The following NOL11 variants were observed in gnomAD, a reference collection of about 807,000 sequenced individuals.
The protein encoded by NOL11 is nucleolar protein 11.
A neutral mutation model predicts 93.0 loss-of-function variants in NOL11; 42 were observed. The ratio of observed to expected loss-of-function variants is 0.45; its 90% CI spans 0.35 to 0.58. The LOEUF (loss-of-function observed/expected upper bound fraction) is 0.58. NOL11 is among the 20% of genes least tolerant of loss of function. NOL11 has a pLI of 0.00. For missense variants in NOL11, 775 were observed against 841.8 expected, an observed-to-expected ratio of 0.92 and a Z score of 0.98; for synonymous variants, 296 against 293.7, an observed-to-expected ratio of 1.01 and a Z score of -0.08.
In NOL11 at chr17:67,743,950, C is replaced by T. The variant is rs138440965; in HGVS notation, c.*91C>T. The T allele has an allele frequency of 5.9e-6, 4 of 676,520 alleles. No homozygotes were observed. The East Asian group carries it at 1.1e-4, about 19-fold the overall frequency. The allele number at this position is 676,520 out of a possible 1,614,324, so 41.9% of individuals were successfully genotyped here. A position where few individuals can be genotyped will look rare whatever the true frequency, so the allele number is the denominator to read the frequency against. ...GCAAGAACGGTGTTTTGTTTGCGACCATCTCAGTGTCAAGAGAAACGTGTC... is the reference window on the plus strand; with the variant it reads ...GCAAGAACGGTGTTTTGTTTGCGACTATCTCAGTGTCAAGAGAAACGTGTC... On this transcript the variant is annotated 3_prime_UTR_variant, in exon 18 of 18. Coordinates refer to ENST00000253247, the MANE Select transcript of NOL11 (RefSeq NM_015462.5).
chr17:67,743,921 C>A lies in NOL11; in HGVS notation c.*62C>A. On this transcript the variant is annotated 3_prime_UTR_variant, in exon 18 of 18. Transcript: ENST00000253247. ...TCTTTTATGTGAACTCTTGCTTCAT[C>A]CAGGCAAGAACGGTGTTTTGTTTGC... The A allele has an allele frequency of 1.2e-6, 1 of 850,668 alleles. No individual in the cohort carries two copies. Among genetic ancestry groups the A allele is most frequent in the Non-Finnish European group, 1.9e-6 (1 of 536,918 alleles). 52.7% of individuals were successfully genotyped at this position (850,668 alleles called of 1,614,324 possible). A position where few individuals can be genotyped will look rare whatever the true frequency, so the allele number is the denominator to read the frequency against.
chr17:67,727,401 C>G (rs2055105956), intron 7 of NOL11, among the ~76,000 whole-genome samples: 1 of 152,192 alleles, frequency 6.6e-6, no homozygotes, highest in Non-Finnish European at 1.5e-5. Context: ...AGGCTCAATG[C>G]CTATAATCCC....
chr17:67,739,830 A>T (rs1183765901), intron 16 of NOL11, among the ~76,000 whole-genome samples: 1 of 152,212 alleles, frequency 6.6e-6, no homozygotes, highest in Non-Finnish European at 1.5e-5. Context: ...TTTATCTTAA[A>T]TTCCTGATTC....
At chr17:67,736,871 G>T in intron 10 of NOL11, 117 bp downstream of exon 10, 1 of 830,560 alleles carries the variant, frequency 1.2e-6, no homozygotes, top group South Asian at 1.7e-5. Flanking sequence ...ATAATGACAG[G>T]ACAGTTTGCG....
At chr17:67,726,421 A>G (rs767785885) in intron 6 of NOL11, 39 bp from the exon 7 acceptor site, 4 of 1,541,766 alleles carry the variant, frequency 2.6e-6, no homozygotes, top group Non-Finnish European at 2.6e-6. Context: ...ATATAGAAGT[A>G]TCCTTCAATA....
intron 7 of NOL11, among the ~76,000 whole-genome samples, chr17:67,733,330 A>G (rs769917375): frequency 1.2e-4 from 18 of 152,148 alleles, no homozygotes; most frequent in Non-Finnish European, 2.1e-4. Flanking sequence ...GTGCCACTGC[A>G]CTCCAGCCTG....
rs138983162 is a variant in NOL11 at position 67,736,750 on chromosome 17, G to T, written c.1139G>T (p.Arg380Ile). 6 of 1,606,760 alleles carry T rather than the reference G, an allele frequency of 3.7e-6. No individual in the cohort carries two copies. The African/African-American group carries it at 8.0e-5, about 22-fold the overall frequency. The change falls in exon 10 of 18, where the codon AGA becomes ATA. Residue 380 changes from arginine to isoleucine, a missense_variant. Transcript: ENST00000253247. The part of the protein sequence containing the change: ...LGFQNSEQSR[R>I]ILRRRKIEVS... ...TTCCAGAACTCAGAGCAGTCAAGAA[G>T]AATTGTAAGTTTCGTAGTTGAAATT...
chr17:67,733,475 A>T (rs773307450), intron 7 of NOL11, among the ~76,000 whole-genome samples: 1 of 152,020 alleles, frequency 6.6e-6, no homozygotes, highest in Non-Finnish European at 1.5e-5. Context: ...TTTTAGGGGG[A>T]CAGTTTTCAG....
Position 67,743,960 on chromosome 17 carries a change from T to C in NOL11, c.*101T>C. The C allele has an allele frequency of 1.6e-6, 1 of 640,786 alleles. No individual in the cohort carries two copies. The highest frequency in any genetic ancestry group is 1.9e-5 in the South Asian group (1 of 51,680). 39.7% of individuals were successfully genotyped at this position (640,786 alleles called of 1,614,324 possible). A position where few individuals can be genotyped will look rare whatever the true frequency, so the allele number is the denominator to read the frequency against. ...TGTTTTGTTTGCGACCATCTCAGTGTCAAGAGAAACGTGTCAGTGAGTACC... is the reference window on the plus strand; with the variant it reads ...TGTTTTGTTTGCGACCATCTCAGTGCCAAGAGAAACGTGTCAGTGAGTACC... On this transcript the variant is annotated 3_prime_UTR_variant, in exon 18 of 18. Coordinates refer to ENST00000253247, the MANE Select transcript of NOL11 (RefSeq NM_015462.5).
chr17:67,731,447 TAG>T (rs1302338163), intron 7 of NOL11, among the ~76,000 whole-genome samples: 1 of 104,268 alleles, frequency 9.6e-6, no homozygotes, highest in African/African-American at 3.5e-5. Flanking sequence ...GTATTTTTAG[TAG>T]AGACGGGGTT....
chr17:67,721,626 T>A, intron 4 of NOL11, 100 bp downstream of exon 4: 1 of 953,194 alleles, frequency 1.0e-6, no homozygotes, highest in Non-Finnish European at 1.6e-6. Context: ...ATAATGAAAG[T>A]AACCTAATTA....
At chr17:67,739,921 C>T (rs902388901) in intron 16 of NOL11, among the ~76,000 whole-genome samples, 3 of 152,118 alleles carry the variant, frequency 2.0e-5, no homozygotes, top group African/African-American at 4.8e-5. Flanking sequence ...ATATAGGTTG[C>T]CCCCTTAATC....
rs1397782541 is a variant in NOL11, at chr17:67,743,992, A to G, written c.*133A>G. 4 of 496,166 alleles carry G rather than the reference A, an allele frequency of 8.1e-6. No homozygotes were observed. The highest frequency in any genetic ancestry group is 1.1e-5 in the Non-Finnish European group (3 of 281,426). The allele number at this position is 496,166 out of a possible 1,614,324, so 30.7% of individuals were successfully genotyped here. On this transcript the variant is annotated 3_prime_UTR_variant, in exon 18 of 18. Transcript: ENST00000253247. ...AAACGTGTCAGTGAGTACCTGGACCATCACTTAACTGATGCTCCGGGGTAG... is the reference window on the plus strand; with the variant it reads ...AAACGTGTCAGTGAGTACCTGGACCGTCACTTAACTGATGCTCCGGGGTAG...
At chr17:67,741,118 A>G (rs186262323) in intron 16 of NOL11, among the ~76,000 whole-genome samples, 2 of 152,216 alleles carry the variant, frequency 1.3e-5, no homozygotes, top group East Asian at 3.9e-4. Flanking sequence ...CTCCCAGGCT[A>G]GAATGCAGTG....
chr17:67,726,187 G>C (rs917835), intron 6 of NOL11, among the ~76,000 whole-genome samples: 123,481 of 152,138 alleles, frequency 0.81, 50,535 homozygotes, highest in Middle Eastern at 0.87. Flanking sequence ...ATATTCTTGG[G>C]AGTCCCCCTC....
chr17:67,720,002 T>C, intron 3 of NOL11, 40 bp downstream of exon 3: 1 of 1,505,966 alleles, frequency 6.6e-7, no homozygotes, highest in Non-Finnish European at 9.0e-7. Flanking sequence ...TTTAGCTTAT[T>C]GGTGAATTAG....
chr17:67,726,502 C>T lies in NOL11; in HGVS notation c.707C>T (p.Pro236Leu), dbSNP rs1309947703. 5 of 1,613,890 alleles carry T rather than the reference C, an allele frequency of 3.1e-6. No homozygotes were observed. The highest frequency in any genetic ancestry group is 4.2e-6 in the Non-Finnish European group (5 of 1,179,960). The part of the protein sequence containing the change: ...CIYETLIPIR[P>L]ADPEKNQSLV... ...TATGAAACCTTGATACCAATACGTCCAGCTGACCCAGAAAAAAATCAGAGC... is the reference window on the plus strand; with the variant it reads ...TATGAAACCTTGATACCAATACGTCTAGCTGACCCAGAAAAAAATCAGAGC... The change falls in exon 7 of 18, where the codon CCA becomes CTA. Residue 236 changes from proline (P) to leucine (L), a missense_variant. Coordinates refer to ENST00000253247, the MANE Select transcript of NOL11 (RefSeq NM_015462.5).
At chr17:67,721,654 A>T in intron 4 of NOL11, 128 bp downstream of exon 4, 1 of 727,522 alleles carries the variant, frequency 1.4e-6, no homozygotes. Context: ...CTTACAAAAC[A>T]CTGACTAAAA....
intron 7 of NOL11, 125 bp from the exon 8 acceptor site, chr17:67,734,238 C>T (rs1286194246): frequency 3.1e-6 from 2 of 636,142 alleles, no homozygotes; most frequent in African/African-American, 3.8e-5. Context: ...GTGGCAATCA[C>T]TGTCTTCATA....
Sources: allele counts gnomAD v4.1 joint callset (sites outside exome capture counted in the v4.1 genomes callset), GRCh38; gene constraint gnomAD v4.1.1; transcripts MANE v1.5; gene names NCBI Gene and HGNC (gene_info 2026-07-23, HGNC 2026-07-21).